The following SEMA5A variants were observed in gnomAD, a reference collection of about 807,000 sequenced individuals.
SEMA5A encodes semaphorin 5A.
In SEMA5A, 55 loss-of-function variants were observed where a neutral mutation model predicts 135.5. That is an observed-to-expected ratio of 0.41 (90% confidence interval 0.33 to 0.51). The LOEUF (loss-of-function observed/expected upper bound fraction) is 0.51, where lower values mean the gene tolerates loss of function less well. SEMA5A is among the 20% of genes least tolerant of loss of function. SEMA5A has a pLI of 0.37. For synonymous variants in SEMA5A, 580 were observed against 546.5 expected (o/e 1.06, Z -0.85); for missense variants, 1,290 against 1,419.9 (o/e 0.91, Z 1.47).
At chr5:9,275,671 G>T (rs115363816) in intron 5 of SEMA5A, among the ~76,000 whole-genome samples, 2,345 of 152,192 alleles carry the variant, frequency 0.015, 75 homozygotes, top group African/African-American at 0.054. Flanking sequence ...GATGCAGTCT[G>T]GTTCAACATA....
intron 4 of SEMA5A, among the ~76,000 whole-genome samples, chr5:9,324,258 C>T (rs1305059715): frequency 7.9e-5 from 12 of 151,682 alleles, no homozygotes; most frequent in Admixed American, 3.9e-4. Flanking sequence ...TTAGTAGAGA[C>T]GGGGTTTCAC....
intron 5 of SEMA5A, among the ~76,000 whole-genome samples, chr5:9,309,679 T>C (rs1162140796): frequency 6.6e-6 from 1 of 152,102 alleles, no homozygotes; most frequent in Non-Finnish European, 1.5e-5. Context: ...ATAAGTCTTC[T>C]GCATGTGAAT....
chr5:9,245,102 A>G (rs906212144), intron 5 of SEMA5A, among the ~76,000 whole-genome samples: 19 of 152,188 alleles, frequency 1.2e-4, no homozygotes, highest in Admixed American at 5.9e-4. Flanking sequence ...AAAATATGAA[A>G]TGGAACATTC....
At chr5:9,146,648 G>C (rs1742353489) in intron 12 of SEMA5A, among the ~76,000 whole-genome samples, 1 of 152,200 alleles carries the variant, frequency 6.6e-6, no homozygotes, top group East Asian at 1.9e-4. Context: ...CTTCGGTTCA[G>C]TTCCATGACA....
At chr5:9,525,835 G>GCA (rs1156612337) in intron 1 of SEMA5A, among the ~76,000 whole-genome samples, 2 of 152,202 alleles carry the variant, frequency 1.3e-5, no homozygotes, top group African/African-American at 4.8e-5. Flanking sequence ...TATGTAAACA[G>GCA]CATGATAGAA....
rs550859629 is a variant in SEMA5A at position 9,340,831 on chromosome 5, A to AAAGTCTCTG, written c.125-3028_125-3020dup. ...ACTGATACCAAGAGAGCCTTGCAAG[A>AAAGTCTCTG]AAGTCTCTGCACCAACTCACCTCTT... is the stretch of plus-strand genomic sequence containing the variant. On this transcript the variant is annotated intron_variant, in intron 3 of 22. Coordinates refer to ENST00000382496, the MANE Select transcript of SEMA5A (RefSeq NM_003966.3). Among the ~76,000 whole-genome samples, 119 of 152,258 alleles carry AAAGTCTCTG rather than the reference A, an allele frequency of 7.8e-4. No individual in the cohort carries two copies. The South Asian group carries it at 0.019, about 24-fold the overall frequency.
chr5:9,353,136 GGAAA>G (rs1579396960), intron 3 of SEMA5A, among the ~76,000 whole-genome samples: 42 of 68,510 alleles, frequency 6.1e-4, no homozygotes, highest in Non-Finnish European at 9.1e-4. Flanking sequence ...GGAAAGGAAA[GGAAA>G]GGAAAGGAAA....
At chr5:9,523,858 G>A (rs1736969564) in intron 1 of SEMA5A, among the ~76,000 whole-genome samples, 1 of 152,222 alleles carries the variant, frequency 6.6e-6, no homozygotes, top group Non-Finnish European at 1.5e-5. Context: ...ATTAGTGTCT[G>A]TCCCCTAAAA....
chr5:9,173,301 G>A (rs1309567486), intron 11 of SEMA5A, among the ~76,000 whole-genome samples: 1 of 81,756 alleles, frequency 1.2e-5, no homozygotes, highest in South Asian at 4.2e-4. Flanking sequence ...TTTTTTTTTT[G>A]GTCTAGAAGA....
intron 3 of SEMA5A, among the ~76,000 whole-genome samples, chr5:9,339,345 G>A (rs1753541384): frequency 1.3e-5 from 2 of 152,172 alleles, no homozygotes; most frequent in Admixed American, 1.3e-4. Context: ...CAGGAAAGAT[G>A]TCCTAGAGGG....
At position 9,062,742 on chromosome 5, in the gene SEMA5A, T is replaced by A. The variant is rs1230038453; in HGVS notation, c.2518+145A>T. The A allele has an allele frequency of 1.1e-5, 9 of 810,790 alleles. No homozygotes were observed. In the East Asian group the frequency reaches 2.4e-4, roughly 22 times the overall value. The allele number at this position is 810,790 out of a possible 1,614,324, so 50.2% of individuals were successfully genotyped here. A position where few individuals can be genotyped will look rare whatever the true frequency, so the allele number is the denominator to read the frequency against. ...TCACAAAGTGCTGGGATTACCAGCA[T>A]GAGCAACCACGCATAGCCAAGACAT... On this transcript the variant is annotated intron_variant, in intron 18 of 22. Coordinates refer to ENST00000382496, the MANE Select transcript of SEMA5A (RefSeq NM_003966.3).
At chr5:9,104,499 G>A (rs1425932258) in intron 16 of SEMA5A, among the ~76,000 whole-genome samples, 1 of 152,132 alleles carries the variant, frequency 6.6e-6, no homozygotes, top group Non-Finnish European at 1.5e-5. Flanking sequence ...GGGTTAAAAG[G>A]AAACACACAT....
intron 8 of SEMA5A, among the ~76,000 whole-genome samples, chr5:9,207,892 GATAGATAC>G (rs1357650064): frequency 0.037 from 1,324 of 35,340 alleles, 9 homozygotes; most frequent in African/African-American, 0.07. Context: ...TAGATAGATA[GATAGATAC>G]ATAGATAGAT....
intron 8 of SEMA5A, among the ~76,000 whole-genome samples, chr5:9,221,527 C>A (rs1253121133): frequency 1.3e-5 from 2 of 152,034 alleles, no homozygotes; most frequent in South Asian, 4.2e-4. Context: ...TGGTCTCGAT[C>A]TCCTGACCTC....
rs573086270 is a variant in SEMA5A, at chr5:9,119,926, G to A, written c.1782-785C>T. Among the ~76,000 whole-genome samples the A allele has an allele frequency of 1.1e-3, 174 of 151,864 alleles. 1 individual carries two copies. The highest frequency in any genetic ancestry group is 4.1e-3 in the African/African-American group (168 of 41,452). ...TATATAAAAATATAAAATAAAAATA[G>A]GATGAACCAATTTAAAAAATTTTTT... On this transcript the variant is annotated intron_variant, in intron 14 of 22. Coordinates refer to ENST00000382496, the MANE Select transcript of SEMA5A (RefSeq NM_003966.3).
At chr5:9,258,803 C>CTTTTTTTTTTTTTTTTTTTTTTTTT (rs748703578) in intron 5 of SEMA5A, among the ~76,000 whole-genome samples, 1 of 48,984 alleles carries the variant, frequency 2.0e-5, no homozygotes, top group Non-Finnish European at 3.5e-5. Context: ...TTCTTTCTTT[C>CTTTTTTTTTTTTTTTTTTTTTTTTT]TTTTTTTTTT....
At chr5:9,540,348 G>A (rs1284870114) in intron 1 of SEMA5A, among the ~76,000 whole-genome samples, 1 of 152,100 alleles carries the variant, frequency 6.6e-6, no homozygotes, top group Non-Finnish European at 1.5e-5. Flanking sequence ...CCAGCACTTT[G>A]GGAGGCCGAG....
At chr5:9,376,697 G>C (rs937941538) in intron 3 of SEMA5A, among the ~76,000 whole-genome samples, 1 of 152,088 alleles carries the variant, frequency 6.6e-6, no homozygotes, top group Non-Finnish European at 1.5e-5. Flanking sequence ...TTCATTGAAG[G>C]TTCACTCCGA....
At chr5:9,172,549 T>A (rs990563738) in intron 11 of SEMA5A, among the ~76,000 whole-genome samples, 9 of 152,182 alleles carry the variant, frequency 5.9e-5, no homozygotes, top group African/African-American at 1.2e-4. Context: ...TAAAATCCCT[T>A]AACTGTACTT....
Sources: allele counts gnomAD v4.1 joint callset (sites outside exome capture counted in the v4.1 genomes callset), GRCh38; gene constraint gnomAD v4.1.1; transcripts MANE v1.5; gene names NCBI Gene and HGNC (gene_info 2026-07-23, HGNC 2026-07-21).